The following FBLN2 variants were observed in gnomAD, a reference collection of about 807,000 sequenced individuals.
FBLN2 encodes fibulin-2.
Under a neutral mutation model 123.7 loss-of-function variants are expected in FBLN2, and 81 were observed. The observed-to-expected ratio is 0.65, with a 90% CI of 0.55 to 0.79. The LOEUF (loss-of-function observed/expected upper bound fraction) is 0.79. Among genes scored for constraint, FBLN2 ranks in the 30% least tolerant of loss-of-function variants. The pLI is 0.00. For missense variants in FBLN2, 1,603 were observed against 1,681.3 expected, an observed-to-expected ratio of 0.95 and a Z score of 0.81; for synonymous variants, 699 against 701.4, an observed-to-expected ratio of 1.00 and a Z score of 0.05.
intron 1 of FBLN2, among the ~76,000 whole-genome samples, chr3:13,563,439 G>A (rs1703663207): frequency 6.6e-6 from 1 of 152,230 alleles, no homozygotes; most frequent in Non-Finnish European, 1.5e-5. Flanking sequence ...TGACTGACAT[G>A]CCTCTGAGTG....
At chr3:13,607,843 G>C (rs997615655) in intron 2 of FBLN2, among the ~76,000 whole-genome samples, 23 of 152,310 alleles carry the variant, frequency 1.5e-4, no homozygotes, top group East Asian at 5.8e-4. Context: ...ATGTTAACCT[G>C]TTATGGGCTG....
intron 1 of FBLN2, among the ~76,000 whole-genome samples, chr3:13,551,027 C>G (rs543118027): frequency 1.5e-3 from 233 of 152,342 alleles, no homozygotes; most frequent in African/African-American, 5.5e-3. Flanking sequence ...TGGTGCTGCC[C>G]ACCCCCAACC....
At chr3:13,607,125 T>A (rs1277792276) in intron 2 of FBLN2, among the ~76,000 whole-genome samples, 1 of 152,070 alleles carries the variant, frequency 6.6e-6, no homozygotes, top group Non-Finnish European at 1.5e-5. Flanking sequence ...GTAGCTGGGA[T>A]TACAGGTGCC....
At chr3:13,632,275 C>T (rs980557087) in intron 16 of FBLN2, among the ~76,000 whole-genome samples, 8 of 152,214 alleles carry the variant, frequency 5.3e-5, no homozygotes, top group Admixed American at 3.3e-4. Context: ...CTCGGCCCCT[C>T]GGTCCCTTGG....
chr3:13,569,252 G>A (rs1044487029), intron 1 of FBLN2, among the ~76,000 whole-genome samples: 6 of 152,170 alleles, frequency 3.9e-5, no homozygotes, highest in South Asian at 2.1e-4. Context: ...TGGGAGGGTC[G>A]GGTTGGGATG....
At chr3:13,570,142 C>G (rs936342912) in intron 1 of FBLN2, among the ~76,000 whole-genome samples, 173 bp from the exon 2 acceptor site, 1 of 152,132 alleles carries the variant, frequency 6.6e-6, no homozygotes, top group Non-Finnish European at 1.5e-5. Context: ...TGATCTGACC[C>G]ATGTGTGGCG....
At position 13,637,941 on chromosome 3, in the gene FBLN2, C is replaced by T. The variant is rs200806008; in HGVS notation, c.*22C>T. 44 of 1,553,170 alleles carry T rather than the reference C, an allele frequency of 2.8e-5. 1 individual carries two copies. In the Admixed American group the frequency reaches 3.0e-4, roughly 11 times the overall value. Reference sequence around the variant, plus strand: ...GTGAGGTGCCAGCACGGGCCACCTGCGGGTGTGGCGCAGCCCAGGGCTCAC... The same window carrying T: ...GTGAGGTGCCAGCACGGGCCACCTGTGGGTGTGGCGCAGCCCAGGGCTCAC... On this transcript the variant is annotated 3_prime_UTR_variant, in exon 18 of 18. Coordinates refer to ENST00000404922, the MANE Select transcript of FBLN2 (RefSeq NM_001004019.2).
In FBLN2 at chr3:13,637,760, G is replaced by A. The variant is rs756586204; in HGVS notation, c.3537G>A (p.Thr1179=). 4 of 1,613,810 alleles carry A rather than the reference G, an allele frequency of 2.5e-6. No homozygotes were observed. The highest frequency in any genetic ancestry group is 1.7e-5 in the Admixed American group (1 of 60,010). The change falls in exon 18 of 18, where the codon ACG becomes ACA. Residue 1179 remains threonine (T), a synonymous_variant. Transcript: ENST00000404922. The part of the protein sequence containing the change: ...IKGNEEGYFG[T]RRLNAYTGVV... ...GCAATGAGGAGGGCTACTTTGGCAC[G>A]CGCAGGCTCAATGCCTACACGGGTG...
chr3:13,615,533 C>G (rs1057078179), intron 5 of FBLN2, among the ~76,000 whole-genome samples: 3 of 152,222 alleles, frequency 2.0e-5, no homozygotes, highest in Admixed American at 2.0e-4. Flanking sequence ...TGGGGCAGGT[C>G]ACACAGAAGG....
chr3:13,615,705 T>A (rs891590389), intron 5 of FBLN2, among the ~76,000 whole-genome samples: 1 of 152,214 alleles, frequency 6.6e-6, no homozygotes, highest in Admixed American at 6.5e-5. Context: ...ACCGTTGCCG[T>A]GCTTCAGCAG....
In FBLN2 at chr3:13,629,822, G is replaced by C. The variant is rs551575574; in HGVS notation, c.2845G>C (p.Val949Leu). 1.7e-5 allele frequency: 26 copies of C among 1,570,688 alleles called. No homozygotes were observed. The highest frequency in any genetic ancestry group is 2.0e-5 in the Non-Finnish European group (23 of 1,158,334). Residue 949 changes from valine (V) to leucine (L), a missense_variant and splice_region_variant, in exon 14 of 18, where the codon GTG (valine) becomes CTG (leucine). Val to Leu is a conservative substitution (Grantham distance 32). Coordinates refer to ENST00000404922, the MANE Select transcript of FBLN2 (RefSeq NM_001004019.2). Reference sequence around the variant, plus strand: ...ACCTGCTGCCTGCCCTCCCACAGACGTGAATGAGTGCTGGGCCTCGCCAGG... The same window carrying C: ...ACCTGCTGCCTGCCCTCCCACAGACCTGAATGAGTGCTGGGCCTCGCCAGG... ...RDAFGRGCID[V>L]NECWASPGRL... is the part of the protein sequence containing the mutation.
intron 2 of FBLN2, among the ~76,000 whole-genome samples, chr3:13,606,096 C>T (rs1159697628): frequency 6.6e-6 from 1 of 152,080 alleles, no homozygotes; most frequent in Non-Finnish European, 1.5e-5. Context: ...GTTGGAGATT[C>T]GCCATGTTGT....
chr3:13,554,490 T>C (rs1270355187), intron 1 of FBLN2, among the ~76,000 whole-genome samples: 1 of 151,260 alleles, frequency 6.6e-6, no homozygotes, highest in African/African-American at 2.4e-5. Context: ...CAAAAAACAT[T>C]GATGAGCATG....
Position 13,608,055 on chromosome 3 carries a change from T to C in FBLN2, c.1307-7T>C. ...ATGGTGACTCTGCCTCATGTTGCTA[T>C]CCACAGGCTCCACCAAGGACCTGAT... On this transcript the variant is annotated splice_polypyrimidine_tract_variant and splice_region_variant and intron_variant, in intron 2 of 17. Transcript: ENST00000404922. 1 of 1,567,658 alleles carries C rather than the reference T, an allele frequency of 6.4e-7. No homozygotes were observed. The highest frequency in any genetic ancestry group is 8.6e-7 in the Non-Finnish European group (1 of 1,156,082).
chr3:13,629,676 C>G, intron 13 of FBLN2, 144 bp from the exon 14 acceptor site: 4 of 1,196,102 alleles, frequency 3.3e-6, no homozygotes, highest in Non-Finnish European at 4.6e-6. Flanking sequence ...TTGCCTCTCT[C>G]TTTCCCTGTC....
intron 4 of FBLN2, among the ~76,000 whole-genome samples, chr3:13,612,568 A>T (rs1327733378): frequency 6.6e-6 from 1 of 151,770 alleles, no homozygotes; most frequent in Non-Finnish European, 1.5e-5. Context: ...TTTTTAGTAG[A>T]GACGGGGTTT....
At chr3:13,601,677 G>C (rs1024981666) in intron 2 of FBLN2, among the ~76,000 whole-genome samples, 1 of 152,230 alleles carries the variant, frequency 6.6e-6, no homozygotes, top group African/African-American at 2.4e-5. Context: ...CTGAGATATG[G>C]CTATGAGGAA....
chr3:13,584,724 T>A (rs1387905192), intron 2 of FBLN2, among the ~76,000 whole-genome samples: 1 of 151,936 alleles, frequency 6.6e-6, no homozygotes, highest in Non-Finnish European at 1.5e-5. Flanking sequence ...GCAGTAGGCT[T>A]TGGGGAGGAT....
intron 2 of FBLN2, among the ~76,000 whole-genome samples, chr3:13,596,120 C>T (rs767413498): frequency 5.9e-5 from 9 of 152,160 alleles, no homozygotes; most frequent in African/African-American, 9.7e-5. Flanking sequence ...CAGCTGCATA[C>T]GATTAGATGG....
Sources: gnomAD v4.1 joint callset for allele counts (sites outside exome capture counted in the v4.1 genomes callset) on GRCh38, gnomAD v4.1.1 for gene constraint, MANE v1.5 for transcripts, NCBI Gene and HGNC (gene_info 2026-07-23, HGNC 2026-07-21) for gene names.